Variants in PSMD1 observed in about 807,000 individuals in gnomAD.
PSMD1 encodes proteasome 26S subunit, non-ATPase 1, also known as 26S proteasome non-ATPase regulatory subunit 1.
Under a neutral mutation model 119.0 loss-of-function variants are expected in PSMD1, and 18 were observed. The observed-to-expected ratio is 0.15, with a 90% CI of 0.10 to 0.22. PSMD1 has a LOEUF of 0.22. PSMD1 is among the 10% of genes least tolerant of loss of function. The probability of loss-of-function intolerance (pLI) is 1.00; values close to 1 mark genes in which losing one functional copy is unlikely to be tolerated. For synonymous variants in PSMD1, 374 were observed against 396.6 expected (o/e 0.94, Z 0.68); for missense variants, 702 against 1,158.5 (o/e 0.61, Z 5.72).
chr2:231,107,309 A>G (rs1695000376), intron 16 of PSMD1, among the ~76,000 whole-genome samples: 1 of 152,222 alleles, frequency 6.6e-6, no homozygotes, highest in Admixed American at 6.5e-5. Flanking sequence ...TAAGGCAATT[A>G]TCCTAAACTG....
intron 7 of PSMD1, 22 bp downstream of exon 7, chr2:231,072,437 T>C: frequency 6.6e-7 from 1 of 1,526,306 alleles, no homozygotes; most frequent in Non-Finnish European, 9.1e-7. Flanking sequence ...TTTTTCTGCA[T>C]CAAAACTAAT....
chr2:231,086,519 T>C (rs1298824774), intron 15 of PSMD1, among the ~76,000 whole-genome samples: 1 of 152,136 alleles, frequency 6.6e-6, no homozygotes, highest in Non-Finnish European at 1.5e-5. Context: ...TAGCTGGGCA[T>C]GGTGGCACAC....
chr2:231,066,174 A>G (rs1362096062), intron 4 of PSMD1, among the ~76,000 whole-genome samples: 4 of 152,250 alleles, frequency 2.6e-5, no homozygotes, highest in African/African-American at 7.2e-5. Context: ...AGAATGTATT[A>G]CTGTCATTAA....
chr2:231,093,939 T>G (rs1041566085), intron 16 of PSMD1, among the ~76,000 whole-genome samples: 7 of 152,202 alleles, frequency 4.6e-5, no homozygotes, highest in Admixed American at 1.3e-4. Flanking sequence ...TGGGCCGCCC[T>G]ATAAATGCAA....
chr2:231,056,989 C>A lies in PSMD1; in HGVS notation c.-37C>A. On this transcript the variant is annotated 5_prime_UTR_variant, in exon 1 of 25. Coordinates refer to ENST00000308696, the MANE Select transcript of PSMD1 (RefSeq NM_002807.4). ...TGACAGATACACTGCGCAGCTGGAA[C>A]GGCGAGCGAGCCGACGGGCGAGTGA... 1.9e-6 allele frequency: 3 copies of A among 1,540,048 alleles called. No homozygotes were observed. The highest frequency in any genetic ancestry group is 1.7e-6 in the Non-Finnish European group (2 of 1,144,468).
chr2:231,127,844 A>G (rs1400907900), intron 16 of PSMD1, among the ~76,000 whole-genome samples: 1 of 152,234 alleles, frequency 6.6e-6, no homozygotes, highest in Non-Finnish European at 1.5e-5. Context: ...AATATCTGGA[A>G]GCTTCATTTG....
chr2:231,112,866 T>G (rs1481670781), intron 16 of PSMD1, among the ~76,000 whole-genome samples: 1 of 152,158 alleles, frequency 6.6e-6, no homozygotes, highest in East Asian at 1.9e-4. Context: ...AAACTTTGAA[T>G]TAAACATACT....
intron 18 of PSMD1, among the ~76,000 whole-genome samples, chr2:231,152,742 C>T (rs1696399713): frequency 6.6e-6 from 1 of 152,148 alleles, no homozygotes; most frequent in Non-Finnish European, 1.5e-5. Flanking sequence ...TGATTATGTG[C>T]TTCTTGAACA....
Position 231,170,540 on chromosome 2 carries a change from G to T in PSMD1, c.2716-26G>T. ...GAGCACGCTTGAAATATGAGTGTAC[G>T]CTTCTGCACGCCCCTGTGTTTCCAG... is the stretch of plus-strand genomic sequence containing the variant. On this transcript the variant is annotated intron_variant, in intron 23 of 24. Transcript: ENST00000308696. The surrounding 1 kb of genome is among the most constrained non-coding windows in gnomAD (Gnocchi z 4.1). The T allele has an allele frequency of 6.3e-7, 1 of 1,581,852 alleles. No homozygotes were observed. Among genetic ancestry groups the T allele is most frequent in the Non-Finnish European group, 8.6e-7 (1 of 1,165,680 alleles).
intron 1 of PSMD1, 28 bp from the exon 2 acceptor site, chr2:231,061,239 T>G (rs1402253021): frequency 6.4e-7 from 1 of 1,557,204 alleles, no homozygotes; most frequent in East Asian, 2.3e-5. Flanking sequence ...ATGTGTTTCA[T>G]AATCATGTTA....
rs1398428772 is a variant in PSMD1, at chr2:231,172,619, A to G, written c.*94A>G. The G allele has an allele frequency of 6.6e-6, 1 of 152,218 alleles. No individual in the cohort carries two copies. The highest frequency in any genetic ancestry group is 1.5e-5 in the Non-Finnish European group (1 of 68,042). 9.4% of individuals were successfully genotyped at this position (152,218 alleles called of 1,614,324 possible). A position where few individuals can be genotyped will look rare whatever the true frequency, so the allele number is the denominator to read the frequency against. On this transcript the variant is annotated 3_prime_UTR_variant, in exon 25 of 25. Coordinates refer to ENST00000308696, the MANE Select transcript of PSMD1 (RefSeq NM_002807.4). ...AAATTCATGCCGAGACCTGCTATTC[A>G]ATGCATGTATCGTTGCCTCTGCACT...
chr2:231,123,662 G>A (rs760249606), intron 16 of PSMD1: 1 of 1,613,870 alleles, frequency 6.2e-7, no homozygotes, highest in Admixed American at 1.7e-5. Context: ...GATTCTGTCT[G>A]TAATCCAGAC....
chr2:231,126,283 T>C (rs1448024455), intron 16 of PSMD1, among the ~76,000 whole-genome samples: 1 of 151,892 alleles, frequency 6.6e-6, no homozygotes, highest in East Asian at 1.9e-4. Context: ...ACACCCGTAG[T>C]CCCAGCTACT....
intron 11 of PSMD1, 32 bp from the exon 12 acceptor site, chr2:231,080,109 T>G (rs1052945434): frequency 6.4e-7 from 1 of 1,557,060 alleles, no homozygotes; most frequent in Admixed American, 2.0e-5. Context: ...ACTTTCTCTT[T>G]TTGATGTCTT....
intron 17 of PSMD1, among the ~76,000 whole-genome samples, chr2:231,141,323 A>G (rs1386947446): frequency 1.3e-5 from 2 of 149,896 alleles, no homozygotes; most frequent in African/African-American, 4.9e-5. Context: ...AAAAAAAGCT[A>G]TTTTTCACTA....
intron 15 of PSMD1, among the ~76,000 whole-genome samples, chr2:231,085,483 G>A (rs935500901): frequency 2.6e-5 from 4 of 152,162 alleles, no homozygotes; most frequent in Non-Finnish European, 4.4e-5. Context: ...TTTTACAGCC[G>A]GTAGAGTTAG....
chr2:231,139,060 T>C (rs1696039361), intron 17 of PSMD1: 5 of 623,438 alleles, frequency 8.0e-6, no homozygotes, highest in South Asian at 1.7e-5. Flanking sequence ...CATGGATAGC[T>C]GTAACTGAAA....
intron 16 of PSMD1, chr2:231,109,197 G>T (rs765459624): frequency 2.5e-6 from 4 of 1,614,198 alleles, no homozygotes; most frequent in Non-Finnish European, 3.4e-6. Context: ...AGGCGTTGAG[G>T]TGGCTTGTTT....
intron 10 of PSMD1, 36 bp downstream of exon 10, chr2:231,078,783 A>AT (rs766768508): frequency 6.9e-6 from 8 of 1,158,804 alleles, no homozygotes; most frequent in Admixed American, 5.3e-5. Flanking sequence ...TTGGTTCAAA[A>AT]TCTTTTTCTT....
Sources: allele counts gnomAD v4.1 joint callset (sites outside exome capture counted in the v4.1 genomes callset), GRCh38; gene constraint gnomAD v4.1.1; non-coding constraint Gnocchi (gnomAD v3.1); transcripts MANE v1.5; gene names NCBI Gene and HGNC (gene_info 2026-07-23, HGNC 2026-07-21).